The following SHISA9 variants were observed in gnomAD, a reference collection of about 807,000 sequenced individuals.
SHISA9 encodes the protein shisa family member 9.
A neutral mutation model predicts 38.0 loss-of-function variants in SHISA9; 13 were observed. That is an observed-to-expected ratio of 0.34 (90% CI 0.22 to 0.54). The LOEUF is 0.54. Among genes scored for constraint, SHISA9 ranks in the 20% least tolerant of loss-of-function variants. The probability of loss-of-function intolerance (pLI) is 0.91; values close to 1 mark genes in which losing one functional copy is unlikely to be tolerated. For synonymous variants in SHISA9, 275 were observed against 242.0 expected (o/e 1.14, Z -1.27); for missense variants, 538 against 575.8 (o/e 0.93, Z 0.67).
the SHISA9 span, among the ~76,000 whole-genome samples, chr16:13,383,832 A>T: frequency 6.6e-6 from 1 of 152,028 alleles, no homozygotes; most frequent in African/African-American, 2.4e-5. Context: ...GTGTGTTGGT[A>T]GAGGTAGAGA....
At chr16:13,314,541 A>G in the SHISA9 span, among the ~76,000 whole-genome samples, 2 of 151,950 alleles carry the variant, frequency 1.3e-5, no homozygotes, top group East Asian at 1.9e-4. Flanking sequence ...CGCCCAGCCT[A>G]TTTCATTTTA....
intron 2 of SHISA9, among the ~76,000 whole-genome samples, chr16:12,977,232 G>T (rs1412468972): frequency 2.0e-5 from 3 of 152,180 alleles, no homozygotes; most frequent in Non-Finnish European, 2.9e-5. Flanking sequence ...AGGCACTGGG[G>T]TTGCGTAAAT....
chr16:13,015,967 TTCCCTTCCC>T (rs1567182534), intron 2 of SHISA9, among the ~76,000 whole-genome samples: 11 of 39,748 alleles, frequency 2.8e-4, no homozygotes, highest in East Asian at 7.0e-4. Flanking sequence ...TTCCCTTCCC[TTCCCTTCCC>T]TTCCCTTCCC....
the SHISA9 span, among the ~76,000 whole-genome samples, chr16:13,363,892 C>G: frequency 6.6e-6 from 1 of 152,126 alleles, no homozygotes; most frequent in Non-Finnish European, 1.5e-5. Context: ...ATCAGCATGT[C>G]CTAAGAACTT....
At chr16:13,083,710 C>T (rs1289050982) in intron 2 of SHISA9, among the ~76,000 whole-genome samples, 4 of 152,138 alleles carry the variant, frequency 2.6e-5, no homozygotes, top group Non-Finnish European at 5.9e-5. Context: ...TATGGGCTGC[C>T]TTGTCTATGG....
chr16:13,205,959 T>G (rs1378106738), intron 3 of SHISA9, among the ~76,000 whole-genome samples: 2 of 150,904 alleles, frequency 1.3e-5, no homozygotes, highest in African/African-American at 2.4e-5. Flanking sequence ...TAGAGATGGG[T>G]TTCTCCATGT....
the SHISA9 span, among the ~76,000 whole-genome samples, chr16:13,377,856 C>T: frequency 4.6e-4 from 69 of 151,594 alleles, 1 homozygote; most frequent in African/African-American, 1.4e-3. Flanking sequence ...GGTGAAACCC[C>T]GTCTCTACTA....
At chr16:12,936,670 A>G (rs983535619) in intron 2 of SHISA9, among the ~76,000 whole-genome samples, 4 of 152,204 alleles carry the variant, frequency 2.6e-5, no homozygotes, top group Admixed American at 2.0e-4. Flanking sequence ...CTTGGCCCCT[A>G]AACACAAGCC....
chr16:13,066,215 T>C (rs1011189737), intron 2 of SHISA9, among the ~76,000 whole-genome samples: 15 of 152,158 alleles, frequency 9.9e-5, no homozygotes, highest in Non-Finnish European at 1.8e-4. Context: ...GTGACTACAG[T>C]GGAAATATCT....
At chr16:12,958,530 A>G (rs1041672307) in intron 2 of SHISA9, among the ~76,000 whole-genome samples, 1 of 152,208 alleles carries the variant, frequency 6.6e-6, no homozygotes, top group Non-Finnish European at 1.5e-5. Flanking sequence ...ATATGTCTTC[A>G]TAATAGATGG....
the SHISA9 span, among the ~76,000 whole-genome samples, chr16:13,312,748 C>T: frequency 1.3e-5 from 2 of 152,128 alleles, no homozygotes; most frequent in Non-Finnish European, 2.9e-5. Context: ...ATATTATGCT[C>T]TCAACAGATT....
At chr16:13,073,150 A>G (rs1166661020) in intron 2 of SHISA9, among the ~76,000 whole-genome samples, 1 of 151,976 alleles carries the variant, frequency 6.6e-6, no homozygotes, top group Non-Finnish European at 1.5e-5. Context: ...TGTTCATCCA[A>G]GCTCACACAG....
chr16:13,244,023 G>T (rs1049879046), downstream of SHISA9, among the ~76,000 whole-genome samples: 19 of 151,922 alleles, frequency 1.3e-4, no homozygotes, highest in Admixed American at 3.9e-4. Context: ...CACCCGCTTT[G>T]GCCTCCCAAA....
At position 12,955,197 on chromosome 16, in the gene SHISA9, A is replaced by C. The variant is rs144139065; in HGVS notation, c.691+38382A>C. Among the ~76,000 whole-genome samples, 18 of 152,230 alleles carry C rather than the reference A, an allele frequency of 1.2e-4. No individual in the cohort carries two copies. In the East Asian group the frequency reaches 3.5e-3, roughly 29 times the overall value. On this transcript the variant is annotated intron_variant, in intron 2 of 4. Coordinates refer to ENST00000558583, the MANE Select transcript of SHISA9 (RefSeq NM_001145204.3). The stretch of plus-strand genomic sequence containing the variant: ...CTGACAAAGGCTCTAGACAATGGGC[A>C]TGTCAGGACTGGCTGGATTCCACCA...
chr16:13,118,976 C>G (rs986030189), intron 2 of SHISA9, among the ~76,000 whole-genome samples: 4 of 152,100 alleles, frequency 2.6e-5, no homozygotes, highest in African/African-American at 9.7e-5. Context: ...AGGTGATCCA[C>G]TCACCTCGGC....
At chr16:13,172,306 C>G (rs1411589942) in intron 2 of SHISA9, among the ~76,000 whole-genome samples, 1 of 152,172 alleles carries the variant, frequency 6.6e-6, no homozygotes, top group Non-Finnish European at 1.5e-5. Context: ...GGAAGGCTTC[C>G]TAGTTATAAC....
the SHISA9 span, among the ~76,000 whole-genome samples, chr16:13,368,447 G>A: frequency 6.6e-6 from 1 of 152,026 alleles, no homozygotes; most frequent in Non-Finnish European, 1.5e-5. Context: ...TCAGAAGAAA[G>A]GCCAATGGGA....
chr16:13,251,525 G>A, the SHISA9 span, among the ~76,000 whole-genome samples: 1 of 152,080 alleles, frequency 6.6e-6, no homozygotes, highest in Admixed American at 6.5e-5. Context: ...GAGGGGTATT[G>A]GAGATTAGTG....
At chr16:13,458,949 C>T in the SHISA9 span, among the ~76,000 whole-genome samples, 6 of 151,742 alleles carry the variant, frequency 4.0e-5, no homozygotes, top group African/African-American at 1.2e-4. Context: ...CTCACTGCAA[C>T]CTGCGCTTCT....
Sources: gnomAD v4.1 joint callset for allele counts (sites outside exome capture counted in the v4.1 genomes callset) on GRCh38, gnomAD v4.1.1 for gene constraint, MANE v1.5 for transcripts, NCBI Gene and HGNC (gene_info 2026-07-23, HGNC 2026-07-21) for gene names.